The following STIM2 variants were observed in gnomAD, a reference collection of about 807,000 sequenced individuals.
The protein encoded by STIM2 is stromal interaction molecule 2.
A neutral mutation model predicts 85.8 loss-of-function variants in STIM2; 31 were observed. That is an observed-to-expected ratio of 0.36 (90% CI 0.27 to 0.49). STIM2 has a LOEUF of 0.49. Among genes scored for constraint, STIM2 ranks in the 20% least tolerant of loss-of-function variants. The probability of loss-of-function intolerance (pLI) is 0.98; values close to 1 mark genes in which losing one functional copy is unlikely to be tolerated. For synonymous variants in STIM2, 356 were observed against 331.1 expected, an observed-to-expected ratio of 1.08 and a Z score of -0.82; for missense variants, 841 against 927.6, an observed-to-expected ratio of 0.91 and a Z score of 1.21.
At chr4:26,871,221 A>G (rs1234632207) in intron 1 of STIM2, among the ~76,000 whole-genome samples, 4 of 152,172 alleles carry the variant, frequency 2.6e-5, no homozygotes, top group Non-Finnish European at 5.9e-5. Context: ...GGTTATCTCC[A>G]TGAGTTAGTA....
intron 2 of STIM2, among the ~76,000 whole-genome samples, chr4:26,945,143 G>A (rs112865024): frequency 3.9e-5 from 6 of 152,226 alleles, no homozygotes; most frequent in African/African-American, 1.4e-4. Context: ...TCCCCTCCAT[G>A]TGTCCATGTG....
chr4:26,981,634 G>A (rs181528221), intron 3 of STIM2, among the ~76,000 whole-genome samples: 255 of 152,228 alleles, frequency 1.7e-3, no homozygotes, highest in African/African-American at 5.6e-3. Flanking sequence ...CATTGTACCC[G>A]GTTGTCCTAT....
At chr4:26,973,734 T>A (rs944660612) in intron 3 of STIM2, among the ~76,000 whole-genome samples, 4 of 152,182 alleles carry the variant, frequency 2.6e-5, no homozygotes, top group Non-Finnish European at 5.9e-5. Flanking sequence ...GCTGGAGAGT[T>A]CTGTAGATGT....
intron 1 of STIM2, among the ~76,000 whole-genome samples, chr4:26,877,290 A>ATT (rs1459623876): frequency 6.6e-6 from 1 of 151,984 alleles, no homozygotes; most frequent in East Asian, 1.9e-4. Context: ...ATAAATTCTT[A>ATT]TTTTTAATTT....
chr4:26,865,141 C>T (rs13138942), intron 1 of STIM2, among the ~76,000 whole-genome samples: 64,772 of 151,974 alleles, frequency 0.43, 15,225 homozygotes, highest in Middle Eastern at 0.67. Flanking sequence ...TTCTCTTTCC[C>T]CTTTAGTATC....
At chr4:26,967,231 T>C (rs1560222953) in intron 3 of STIM2, among the ~76,000 whole-genome samples, 2 of 152,202 alleles carry the variant, frequency 1.3e-5, no homozygotes, top group South Asian at 4.1e-4. Context: ...AGATTATAGT[T>C]GCATAAGGGC....
chr4:26,998,490 A>G (rs1408064154), intron 4 of STIM2, among the ~76,000 whole-genome samples: 4 of 152,222 alleles, frequency 2.6e-5, no homozygotes, highest in Non-Finnish European at 5.9e-5. Flanking sequence ...AAGAAAATCA[A>G]TATGATCTAA....
At chr4:26,985,231 A>T (rs1010867570) in intron 3 of STIM2, among the ~76,000 whole-genome samples, 1 of 152,220 alleles carries the variant, frequency 6.6e-6, no homozygotes, top group Admixed American at 6.5e-5. Context: ...AAACTTACTC[A>T]ACTTTTAGAT....
chr4:27,005,135 C>T (rs780886751), intron 7 of STIM2, among the ~76,000 whole-genome samples: 3 of 152,136 alleles, frequency 2.0e-5, no homozygotes, highest in East Asian at 3.9e-4. Context: ...CACAATTCCA[C>T]GTAGTTCAAG....
At chr4:27,015,957 T>C (rs2109143433) in intron 10 of STIM2, among the ~76,000 whole-genome samples, 1 of 152,164 alleles carries the variant, frequency 6.6e-6, no homozygotes, top group Middle Eastern at 3.4e-3. Context: ...TATTAGTTTA[T>C]TAGTTATATA....
chr4:26,865,738 A>G (rs1560547942), intron 1 of STIM2, among the ~76,000 whole-genome samples: 1 of 152,148 alleles, frequency 6.6e-6, no homozygotes, highest in Non-Finnish European at 1.5e-5. Flanking sequence ...AGATCTACCT[A>G]GGAATTTACT....
At chr4:26,976,037 G>C (rs1415583637) in intron 3 of STIM2, among the ~76,000 whole-genome samples, 1 of 152,212 alleles carries the variant, frequency 6.6e-6, no homozygotes, top group Non-Finnish European at 1.5e-5. Flanking sequence ...AGGCTTCGTG[G>C]GTGTGGGACC....
chr4:26,910,384 C>T (rs923474281), intron 1 of STIM2, among the ~76,000 whole-genome samples: 2 of 151,896 alleles, frequency 1.3e-5, no homozygotes, highest in Non-Finnish European at 2.9e-5. Context: ...ATTATCTGAG[C>T]GTGTTGGCGA....
chr4:26,956,162 A>C (rs79591807), intron 2 of STIM2, among the ~76,000 whole-genome samples: 1 of 148,918 alleles, frequency 6.7e-6, no homozygotes, highest in East Asian at 1.9e-4. Flanking sequence ...GGAACAATAG[A>C]AAAAAAAGAT....
intron 1 of STIM2, among the ~76,000 whole-genome samples, chr4:26,865,277 A>C (rs1184945173): frequency 6.6e-6 from 1 of 152,182 alleles, no homozygotes; most frequent in Non-Finnish European, 1.5e-5. Flanking sequence ...TTAAGAATTG[A>C]TAGTAATCTA....
At chr4:26,994,191 TC>T (rs1396423945) in intron 3 of STIM2, among the ~76,000 whole-genome samples, 39 of 152,046 alleles carry the variant, frequency 2.6e-4, no homozygotes, top group African/African-American at 9.4e-4. Context: ...TGACTGCTGC[TC>T]TATTATCTAC....
intron 5 of STIM2, among the ~76,000 whole-genome samples, chr4:27,000,903 G>A (rs1274544817): frequency 6.6e-6 from 1 of 151,896 alleles, no homozygotes; most frequent in African/African-American, 2.4e-5. Flanking sequence ...TATGGTCAGA[G>A]AATAGGGCTC....
intron 11 of STIM2, chr4:27,019,332 A>T: frequency 1.3e-6 from 1 of 796,480 alleles, no homozygotes; most frequent in South Asian, 1.4e-5. Context: ...TCTTCATTGC[A>T]GTTGGAGAAT....
At chr4:26,945,106 C>G (rs187262395) in intron 2 of STIM2, among the ~76,000 whole-genome samples, 36 of 152,230 alleles carry the variant, frequency 2.4e-4, no homozygotes, top group Admixed American at 1.4e-3. Flanking sequence ...TACCCCCCAC[C>G]CTCTGGGAGT....
Sources: allele counts gnomAD v4.1 joint callset (sites outside exome capture counted in the v4.1 genomes callset), GRCh38; gene constraint gnomAD v4.1.1; transcripts MANE v1.5; gene names NCBI Gene and HGNC (gene_info 2026-07-23, HGNC 2026-07-21).